MAP3K4: variants seen among roughly 807,000 people sequenced by gnomAD.
MAP3K4 encodes MAP three kinase 1.
MAP3K4 carries 67 observed loss-of-function variants against 185.6 expected under a neutral mutation model. That is an observed-to-expected ratio of 0.36 (90% CI 0.30 to 0.44). MAP3K4 has a LOEUF of 0.44. Ranked by LOEUF, MAP3K4 falls within the 20% of genes least tolerant of loss-of-function variation. The pLI, the probability that MAP3K4 is intolerant of heterozygous loss-of-function variation, is 1.00. For synonymous variants in MAP3K4, 702 were observed against 710.4 expected (o/e 0.99, Z 0.19); for missense variants, 1,551 against 1,995.1 (o/e 0.78, Z 4.24).
At chr6:161,072,022 A>G (rs1439462668) in intron 4 of MAP3K4, among the ~76,000 whole-genome samples, 2 of 152,220 alleles carry the variant, frequency 1.3e-5, no homozygotes, top group African/African-American at 2.4e-5. Flanking sequence ...TAAAAACAAT[A>G]CTTAGATTAA....
intron 2 of MAP3K4, among the ~76,000 whole-genome samples, chr6:161,042,246 T>A (rs866188021): frequency 6.6e-6 from 1 of 152,186 alleles, no homozygotes; most frequent in South Asian, 2.1e-4. Flanking sequence ...AAATGGCTGC[T>A]GCATCTCATG....
intron 1 of MAP3K4, among the ~76,000 whole-genome samples, chr6:161,001,531 G>A (rs937355396): frequency 2.6e-5 from 4 of 152,062 alleles, no homozygotes; most frequent in African/African-American, 7.2e-5. Context: ...ATATATTTGT[G>A]TACATATTTG....
intron 1 of MAP3K4, among the ~76,000 whole-genome samples, chr6:161,032,204 G>A (rs1048560202): frequency 6.6e-6 from 1 of 152,086 alleles, no homozygotes; most frequent in Non-Finnish European, 1.5e-5. Context: ...TATTGAGTTC[G>A]AAAGAATTCA....
Position 161,110,859 on chromosome 6 carries a change from C to T in MAP3K4, c.4396+945C>T, listed in dbSNP as rs371679501. 6.6e-6 allele frequency among the ~76,000 whole-genome samples: 1 copy of T among 152,168 alleles called. No homozygotes were observed. The highest frequency in any genetic ancestry group is 2.4e-5 in the African/African-American group (1 of 41,444). On this transcript the variant is annotated intron_variant, in intron 23 of 26. Transcript: ENST00000392142. The surrounding 1 kb of genome is among the most constrained non-coding windows in gnomAD (Gnocchi z 4.8). ...TGGCTTAACTGGCTCTGTACCAGGC[C>T]GTAGCACTGCCTATTTCTAGTCGTT...
intron 1 of MAP3K4, among the ~76,000 whole-genome samples, chr6:161,000,740 T>TATATGTGTACACCCATCTGTATACACAC (rs1235031120): frequency 1.6e-4 from 24 of 151,440 alleles, no homozygotes; most frequent in Admixed American, 2.6e-4. Flanking sequence ...TACACACACA[T>TATATGTGTACACCCATCTGTATACACAC]ATATGTGTAC....
intron 2 of MAP3K4, among the ~76,000 whole-genome samples, chr6:161,040,458 C>T (rs1381960725): frequency 1.3e-5 from 2 of 152,138 alleles, no homozygotes; most frequent in Admixed American, 6.6e-5. Flanking sequence ...ATTGCAATCA[C>T]GAGGATTGTG....
In MAP3K4 at chr6:161,071,216, A is replaced by T. The variant is rs762013043; in HGVS notation, c.1950+366A>T. ...AAACAGATAAATGTCTAGAATAGGC[A>T]TGGGGAGGGGTTTGGACTTTCTGCT... On this transcript the variant is annotated intron_variant, in intron 4 of 26. Transcript: ENST00000392142. The surrounding 1 kb of genome is among the most constrained non-coding windows in gnomAD (Gnocchi z 4.6). 5.3e-5 allele frequency among the ~76,000 whole-genome samples: 8 copies of T among 152,142 alleles called. No homozygotes were observed. The highest frequency in any genetic ancestry group is 2.0e-4 in the Admixed American group (3 of 15,270).
chr6:161,014,564 T>C (rs898481500), intron 1 of MAP3K4, among the ~76,000 whole-genome samples: 5 of 152,188 alleles, frequency 3.3e-5, no homozygotes, highest in African/African-American at 1.2e-4. Flanking sequence ...AGATAGTCCC[T>C]TTTTTTATAT....
intron 1 of MAP3K4, among the ~76,000 whole-genome samples, chr6:161,026,191 C>A (rs143847229): frequency 6.6e-6 from 1 of 151,734 alleles, no homozygotes; most frequent in Non-Finnish European, 1.5e-5. Context: ...AGTGCAGTGG[C>A]GCGATCTCGG....
At chr6:161,032,334 C>T (rs968407389) in intron 1 of MAP3K4, among the ~76,000 whole-genome samples, 2 of 152,180 alleles carry the variant, frequency 1.3e-5, no homozygotes, top group South Asian at 2.1e-4. Context: ...TCACTGAGCA[C>T]AGTGACCTCC....
intron 1 of MAP3K4, among the ~76,000 whole-genome samples, chr6:160,998,572 T>C (rs1238842521): frequency 6.6e-6 from 1 of 152,230 alleles, no homozygotes; most frequent in Non-Finnish European, 1.5e-5. Flanking sequence ...CTGGCTTATC[T>C]GAGCTGGCTG....
In MAP3K4 at chr6:161,083,641, AC is replaced by A. The variant is rs58179705; in HGVS notation, c.2256-859del. On this transcript the variant is annotated intron_variant, in intron 6 of 26. Transcript: ENST00000392142. ...CTTTTTTCATGAACATGCTTGCTTG[AC>A]TACATCTTCATGCTTTTTAATCATA... is the stretch of plus-strand genomic sequence containing the variant. Among the ~76,000 whole-genome samples the A allele has an allele frequency of 8.7e-3, 1,331 of 152,190 alleles. 22 individuals are homozygous for A. Among genetic ancestry groups the A allele is most frequent in the African/African-American group, 0.031 (1,294 of 41,514 alleles).
At chr6:161,019,997 A>C (rs1418117390) in intron 1 of MAP3K4, among the ~76,000 whole-genome samples, 3 of 152,194 alleles carry the variant, frequency 2.0e-5, no homozygotes, top group East Asian at 3.9e-4. Context: ...TTTGTAAAAA[A>C]GTCAGTTTTG....
Position 161,089,213 on chromosome 6 carries a change from G to C in MAP3K4, c.2824-109G>C, listed in dbSNP as rs371556724. 54 of 1,202,324 alleles carry C rather than the reference G, an allele frequency of 4.5e-5. No homozygotes were observed. The African/African-American group carries it at 7.4e-4, about 17-fold the overall frequency. The allele number at this position is 1,202,324 out of a possible 1,614,324, so 74.5% of individuals were successfully genotyped here. A position where few individuals can be genotyped will look rare whatever the true frequency, so the allele number is the denominator to read the frequency against. Reference sequence around the variant, plus strand: ...AAAATGACTTTCTGATTAGATGGTTGTTGGCCTGGTATCCCTGAGATTGGC... The same window carrying C: ...AAAATGACTTTCTGATTAGATGGTTCTTGGCCTGGTATCCCTGAGATTGGC... On this transcript the variant is annotated intron_variant, in intron 10 of 26. Transcript: ENST00000392142.
rs1453273218 is a variant in MAP3K4, at chr6:161,110,433, C to G, written c.4396+519C>G. On this transcript the variant is annotated intron_variant, in intron 23 of 26. Coordinates refer to ENST00000392142, the MANE Select transcript of MAP3K4 (RefSeq NM_005922.4). This position sits in a 1 kb window ranked among gnomAD's most constrained non-coding sequence, Gnocchi z 4.8. ...GCTGATGGATTAAAAGTGCTCTTCTCATAGCACGAGGGGAATAGCTGGGCT... is the reference window on the plus strand; with the variant it reads ...GCTGATGGATTAAAAGTGCTCTTCTGATAGCACGAGGGGAATAGCTGGGCT... Among the ~76,000 whole-genome samples the G allele has an allele frequency of 6.6e-6, 1 of 152,194 alleles. No individual in the cohort carries two copies. The highest frequency in any genetic ancestry group is 2.4e-5 in the African/African-American group (1 of 41,450).
chr6:161,089,491 AT>A lies in MAP3K4; in HGVS notation c.2973+22del. ...CTGAAGGTATTACACTGTCCTCTAC[AT>A]TAGCTGAGATTTTTCCTTTTTGATG... On this transcript the variant is annotated intron_variant, in intron 11 of 26. Coordinates refer to ENST00000392142, the MANE Select transcript of MAP3K4 (RefSeq NM_005922.4). The A allele has an allele frequency of 1.2e-6, 2 of 1,609,172 alleles. No individual in the cohort carries two copies. Among genetic ancestry groups the A allele is most frequent in the South Asian group, 2.2e-5 (2 of 90,156 alleles).
Position 161,063,318 on chromosome 6 carries a change from T to C in MAP3K4, c.1708-7290T>C, listed in dbSNP as rs765574114. On this transcript the variant is annotated intron_variant, in intron 3 of 26. Coordinates refer to ENST00000392142, the MANE Select transcript of MAP3K4 (RefSeq NM_005922.4). The surrounding 1 kb of genome is among the most constrained non-coding windows in gnomAD (Gnocchi z 5.4). Reference sequence around the variant, plus strand: ...AATTCTCATCTGCTTAGTGGACATATCTTTCTGGCAAGCGCTCACTGTCTG... The same window carrying C: ...AATTCTCATCTGCTTAGTGGACATACCTTTCTGGCAAGCGCTCACTGTCTG... Among the ~76,000 whole-genome samples the C allele has an allele frequency of 1.3e-5, 2 of 152,214 alleles. No homozygotes were observed. Among genetic ancestry groups the C allele is most frequent in the Non-Finnish European group, 2.9e-5 (2 of 68,032 alleles).
At chr6:161,000,187 A>G (rs546685540) in intron 1 of MAP3K4, among the ~76,000 whole-genome samples, 7 of 152,358 alleles carry the variant, frequency 4.6e-5, no homozygotes, top group Admixed American at 3.9e-4. Context: ...TGATACTCAA[A>G]TAATTCTTAT....
chr6:161,003,614 C>G (rs930652070), intron 1 of MAP3K4, among the ~76,000 whole-genome samples: 1 of 152,162 alleles, frequency 6.6e-6, no homozygotes, highest in Non-Finnish European at 1.5e-5. Context: ...AAGACAGGCA[C>G]TGTGGCCTGT....
Sources: gnomAD v4.1 joint callset for allele counts (sites outside exome capture counted in the v4.1 genomes callset) on GRCh38, gnomAD v4.1.1 for gene constraint, Gnocchi (gnomAD v3.1) non-coding constraint, MANE v1.5 for transcripts, NCBI Gene and HGNC (gene_info 2026-07-23, HGNC 2026-07-21) for gene names.